STK24: variants seen among roughly 807,000 people sequenced by gnomAD.
STK24 encodes the protein serine/threonine kinase 24, also known as serine/threonine-protein kinase 24.
A neutral mutation model predicts 55.6 loss-of-function variants in STK24; 21 were observed. The observed-to-expected ratio is 0.38, with a 90% CI of 0.27 to 0.54. The LOEUF (loss-of-function observed/expected upper bound fraction) is 0.54, where lower values mean the gene tolerates loss of function less well. Among genes scored for constraint, STK24 ranks in the 20% least tolerant of loss-of-function variants. The pLI is 0.79. For synonymous variants in STK24, 200 were observed against 215.2 expected, an observed-to-expected ratio of 0.93 and a Z score of 0.62; for missense variants, 383 against 538.4, an observed-to-expected ratio of 0.71 and a Z score of 2.86.
chr13:98,499,917 AAC>A (rs1953065951), intron 2 of STK24, among the ~76,000 whole-genome samples: 1 of 152,228 alleles, frequency 6.6e-6, no homozygotes, highest in Non-Finnish European at 1.5e-5. Context: ...ATTTCAGGAT[AAC>A]ACAGTGTTAA....
intron 1 of STK24, among the ~76,000 whole-genome samples, chr13:98,545,796 T>A (rs1897015186): frequency 6.6e-6 from 1 of 152,216 alleles, no homozygotes; most frequent in African/African-American, 2.4e-5. Flanking sequence ...CTATATTAGA[T>A]GAAACATCCT....
chr13:98,546,406 T>C (rs969626279), intron 1 of STK24, among the ~76,000 whole-genome samples: 5 of 152,298 alleles, frequency 3.3e-5, no homozygotes, highest in African/African-American at 1.2e-4. Context: ...TTAAAAGCCT[T>C]TTTTATAATT....
In STK24 at chr13:98,452,986, G is replaced by A; in HGVS notation, c.*187C>T. On this transcript the variant is annotated 3_prime_UTR_variant, in exon 11 of 11. Transcript: ENST00000539966. ...AGGAGCTGACCCTCCCCACCCATCT[G>A]AGAGACTTCATCTGGCTGCAGCACA... 1.9e-6 allele frequency: 1 copy of A among 536,822 alleles called. No individual in the cohort carries two copies. The highest frequency in any genetic ancestry group is 3.3e-6 in the Non-Finnish European group (1 of 307,632). The allele number at this position is 536,822 out of a possible 1,614,324, so 33.3% of individuals were successfully genotyped here.
At chr13:98,574,426 A>G (rs1424216084) in intron 1 of STK24, among the ~76,000 whole-genome samples, 1 of 152,228 alleles carries the variant, frequency 6.6e-6, no homozygotes, top group Non-Finnish European at 1.5e-5. Flanking sequence ...CAACAGTCGA[A>G]AGCAGGTGTG....
In STK24 at chr13:98,475,046, G is replaced by A. The variant is rs1040194508; in HGVS notation, c.440-68C>T. 2.8e-5 allele frequency: 42 copies of A among 1,524,690 alleles called. 1 individual carries two copies. In the South Asian group the frequency reaches 3.4e-4, roughly 13 times the overall value. 94.4% of individuals were successfully genotyped at this position (1,524,690 alleles called of 1,614,324 possible). On this transcript the variant is annotated intron_variant, in intron 4 of 10. Transcript: ENST00000539966. ...CAACTCCGTGCACTGCCACAAGCGC[G>A]TCTTCTCCCTGGCTGGGTGGCGAAC...
At chr13:98,525,044 C>T (rs1186084733) in intron 1 of STK24, among the ~76,000 whole-genome samples, 2 of 152,232 alleles carry the variant, frequency 1.3e-5, no homozygotes, top group African/African-American at 2.4e-5. Context: ...AGCAGGGTTC[C>T]CTGCGCGGGC....
At chr13:98,511,115 C>T (rs57494599) in intron 2 of STK24, among the ~76,000 whole-genome samples, 5,155 of 152,258 alleles carry the variant, frequency 0.034, 275 homozygotes, top group African/African-American at 0.12. Flanking sequence ...CCTCCCACCT[C>T]GGCTTTCCAA....
intron 2 of STK24, among the ~76,000 whole-genome samples, chr13:98,495,742 G>T (rs1445237504): frequency 1.3e-5 from 2 of 152,206 alleles, no homozygotes; most frequent in African/African-American, 4.8e-5. Context: ...TCGGCACTAA[G>T]CCTACAATTT....
chr13:98,460,152 G>A (rs1893639293), intron 9 of STK24, among the ~76,000 whole-genome samples: 1 of 152,238 alleles, frequency 6.6e-6, no homozygotes, highest in Non-Finnish European at 1.5e-5. Flanking sequence ...CTGTCATCCA[G>A]TCTACACATT....
At chr13:98,517,584 C>T (rs1056111559) in intron 2 of STK24, among the ~76,000 whole-genome samples, 1 of 152,110 alleles carries the variant, frequency 6.6e-6, no homozygotes, top group African/African-American at 2.4e-5. Flanking sequence ...GAACTGAGAT[C>T]GCCCCACTAC....
intron 3 of STK24, among the ~76,000 whole-genome samples, chr13:98,475,861 C>A (rs1894350769): frequency 6.7e-6 from 1 of 148,350 alleles, no homozygotes; most frequent in Non-Finnish European, 1.5e-5. Context: ...AGAAGGCTCA[C>A]CCCTGGTACC....
At chr13:98,462,175 C>T (rs945091382) in intron 7 of STK24, among the ~76,000 whole-genome samples, 3 of 152,170 alleles carry the variant, frequency 2.0e-5, no homozygotes, top group South Asian at 4.1e-4. Flanking sequence ...AACACCTCCC[C>T]CACCTCCCTG....
chr13:98,541,497 A>G (rs1896889161), intron 1 of STK24, among the ~76,000 whole-genome samples: 1 of 152,248 alleles, frequency 6.6e-6, no homozygotes, highest in Admixed American at 6.5e-5. Flanking sequence ...CAAAGAGACC[A>G]TGATGTCAGC....
chr13:98,521,825 G>A (rs755596022), intron 1 of STK24: 2 of 785,124 alleles, frequency 2.5e-6, no homozygotes, highest in South Asian at 2.7e-5. Context: ...TTCAAGGCCA[G>A]TCCCCAAAGC....
At chr13:98,537,326 C>T (rs1352312581) in intron 1 of STK24, among the ~76,000 whole-genome samples, 4 of 152,202 alleles carry the variant, frequency 2.6e-5, no homozygotes, top group African/African-American at 9.7e-5. Context: ...GGGGCCTTCC[C>T]CCTGGATGGC....
chr13:98,497,034 A>C (rs74499208), intron 2 of STK24, among the ~76,000 whole-genome samples: 5,427 of 152,254 alleles, frequency 0.036, 285 homozygotes, highest in African/African-American at 0.12. Context: ...TTCTAGGAGC[A>C]AGAAACCCAT....
intron 1 of STK24, among the ~76,000 whole-genome samples, chr13:98,523,312 C>T (rs528617764): frequency 3.9e-5 from 6 of 152,284 alleles, no homozygotes; most frequent in East Asian, 3.9e-4. Context: ...TAAAAACAGG[C>T]GACAAGAATT....
chr13:98,541,523 T>C (rs919435989), intron 1 of STK24, among the ~76,000 whole-genome samples: 1 of 152,212 alleles, frequency 6.6e-6, no homozygotes, highest in African/African-American at 2.4e-5. Flanking sequence ...AGCCAGAAAG[T>C]GGGAGGGTTC....
chr13:98,457,867 A>G (rs1294222002), intron 9 of STK24, among the ~76,000 whole-genome samples: 2 of 152,248 alleles, frequency 1.3e-5, no homozygotes, highest in Non-Finnish European at 2.9e-5. Context: ...TCGAGGCCAG[A>G]ACAGAGACGA....
Sources: gnomAD v4.1 joint callset for allele counts (sites outside exome capture counted in the v4.1 genomes callset) on GRCh38, gnomAD v4.1.1 for gene constraint, MANE v1.5 for transcripts, NCBI Gene and HGNC (gene_info 2026-07-23, HGNC 2026-07-21) for gene names.